Variants in PTPRD observed in about 807,000 individuals in gnomAD.
PTPRD encodes protein tyrosine phosphatase receptor type D.
In PTPRD, 34 loss-of-function variants were observed where a neutral mutation model predicts 214.5. That is an observed-to-expected ratio of 0.16 (90% confidence interval 0.12 to 0.21). The LOEUF is 0.21. Among genes scored for constraint, PTPRD ranks in the 10% least tolerant of loss-of-function variants. The pLI is 1.00. For missense variants in PTPRD, 2,545 were observed against 2,398.7 expected (o/e 1.06, Z -1.27); for synonymous variants, 1,128 against 845.7 (o/e 1.33, Z -5.79).
intron 14 of PTPRD, among the ~76,000 whole-genome samples, chr9:8,623,179 G>A (rs2095874870): frequency 6.6e-6 from 1 of 151,740 alleles, no homozygotes; most frequent in South Asian, 2.1e-4. Context: ...AAATGTTTAT[G>A]GAAAATGTCA....
intron 11 of PTPRD, among the ~76,000 whole-genome samples, chr9:8,944,842 G>C (rs1588575110): frequency 6.6e-6 from 1 of 152,094 alleles, no homozygotes; most frequent in African/African-American, 2.4e-5. Flanking sequence ...TAGCACACCA[G>C]AATGACTACA....
intron 3 of PTPRD, among the ~76,000 whole-genome samples, chr9:10,152,777 A>T (rs574437671): frequency 1.3e-5 from 2 of 152,298 alleles, no homozygotes; most frequent in Admixed American, 1.3e-4. Context: ...GTGAGCCAAG[A>T]TCGCACCATT....
At chr9:8,699,861 C>A (rs889190338) in intron 12 of PTPRD, among the ~76,000 whole-genome samples, 2 of 151,918 alleles carry the variant, frequency 1.3e-5, no homozygotes, top group African/African-American at 4.8e-5. Flanking sequence ...GAAAGCCTAG[C>A]AAGAGTTTCC....
chr9:9,132,571 C>T (rs1325605293), intron 10 of PTPRD, among the ~76,000 whole-genome samples: 2 of 152,004 alleles, frequency 1.3e-5, no homozygotes, highest in Non-Finnish European at 2.9e-5. Flanking sequence ...ATTATGACAC[C>T]TTCTTTGGAG....
At chr9:10,050,421 G>A (rs140055401) in intron 3 of PTPRD, among the ~76,000 whole-genome samples, 7 of 151,356 alleles carry the variant, frequency 4.6e-5, no homozygotes, top group East Asian at 2.0e-4. Flanking sequence ...CTAGCCAGGC[G>A]TGGTGGCGCG....
At position 8,474,774 on chromosome 9, in the gene PTPRD, C is replaced by G. The variant is rs4338165; in HGVS notation, c.3414-3689G>C. ...AAGATTCAGACAAGAATTCCCTCAT[C>G]ATCTGTCTACCAAAGTACAAGTCTA... On this transcript the variant is annotated intron_variant, in intron 30 of 45. Coordinates refer to ENST00000381196, the MANE Select transcript of PTPRD (RefSeq NM_002839.4). 4.5e-3 allele frequency among the ~76,000 whole-genome samples: 678 copies of G among 152,308 alleles called. 2 individuals are homozygous for G. The highest frequency in any genetic ancestry group is 0.014 in the Middle Eastern group (4 of 294).
chr9:10,255,964 A>C (rs1304758652), intron 3 of PTPRD, among the ~76,000 whole-genome samples: 2 of 152,166 alleles, frequency 1.3e-5, no homozygotes, highest in Non-Finnish European at 2.9e-5. Context: ...GAAGGAGGTG[A>C]GCAGCAGGTG....
At chr9:8,340,986 G>C in intron 41 of PTPRD, 104 bp downstream of exon 41, 7 of 1,211,348 alleles carry the variant, frequency 5.8e-6, no homozygotes, top group Non-Finnish European at 6.8e-6. Flanking sequence ...GACCTATGCA[G>C]AAAGAAAATG....
chr9:9,397,524 A>G (rs2068360238), intron 8 of PTPRD, 42 bp from the exon 9 acceptor site: 1 of 152,536 alleles, frequency 6.6e-6, no homozygotes, highest in Non-Finnish European at 1.5e-5. Flanking sequence ...GATCATAAAA[A>G]CTACCAAAAC....
chr9:9,438,888 A>C (rs115333446), intron 8 of PTPRD, among the ~76,000 whole-genome samples: 3,194 of 152,230 alleles, frequency 0.021, 128 homozygotes, highest in African/African-American at 0.074. Flanking sequence ...AAACTTTTCT[A>C]TGTATCAAAT....
rs371760115 is a variant in PTPRD, at chr9:10,031,681, CAT to C, written c.-472+2035_-472+2036del. ...ACACACACACATACACACACACACA[CAT>C]ATCCTATTAGTTCTGTCCCTACTAC... On this transcript the variant is annotated intron_variant, in intron 4 of 45. Coordinates refer to ENST00000381196, the MANE Select transcript of PTPRD (RefSeq NM_002839.4). Among the ~76,000 whole-genome samples, 286 of 133,818 alleles carry C rather than the reference CAT, an allele frequency of 2.1e-3. 4 individuals carry two copies. The highest frequency in any genetic ancestry group is 8.4e-3 in the African/African-American group (270 of 32,118). The allele number at this position is 133,818 out of a possible 152,430, so 87.8% of individuals were successfully genotyped here. A position where few individuals can be genotyped will look rare whatever the true frequency, so the allele number is the denominator to read the frequency against.
chr9:9,154,172 G>C (rs1385617703), intron 10 of PTPRD, among the ~76,000 whole-genome samples: 1 of 152,104 alleles, frequency 6.6e-6, no homozygotes, highest in East Asian at 1.9e-4. Context: ...ACCTGATGTT[G>C]AGCCTGGAAC....
chr9:10,553,480 T>C (rs2061798855), intron 2 of PTPRD, among the ~76,000 whole-genome samples: 1 of 152,180 alleles, frequency 6.6e-6, no homozygotes, highest in African/African-American at 2.4e-5. Context: ...AACTTGTTTG[T>C]TATGTATACC....
At chr9:9,028,177 G>T (rs73430110) in intron 10 of PTPRD, among the ~76,000 whole-genome samples, 11 of 151,816 alleles carry the variant, frequency 7.2e-5, no homozygotes, top group African/African-American at 2.4e-4. Context: ...TTTCCAACAC[G>T]TTCTTTTATC....
At chr9:10,418,498 C>CACACACACACACACAT (rs879881642) in intron 2 of PTPRD, among the ~76,000 whole-genome samples, 2 of 141,506 alleles carry the variant, frequency 1.4e-5, no homozygotes, top group African/African-American at 5.3e-5. Flanking sequence ...CACACACACA[C>CACACACACACACACAT]TTCATATCCT....
chr9:8,684,175 C>T (rs947950080), intron 12 of PTPRD, among the ~76,000 whole-genome samples: 2 of 152,174 alleles, frequency 1.3e-5, no homozygotes, highest in African/African-American at 4.8e-5. Context: ...AAGCTACCAA[C>T]GTTTTGTGTC....
chr9:8,531,977 C>T (rs1251686651), intron 14 of PTPRD, among the ~76,000 whole-genome samples: 3 of 152,030 alleles, frequency 2.0e-5, no homozygotes, highest in Non-Finnish European at 2.9e-5. Context: ...AAAGAACACT[C>T]CAGAGCCCCC....
chr9:9,391,727 A>T (rs1586906566), intron 9 of PTPRD, among the ~76,000 whole-genome samples: 1 of 152,176 alleles, frequency 6.6e-6, no homozygotes, highest in Admixed American at 6.5e-5. Context: ...AAGTAGTAAA[A>T]CCAAACTCCC....
chr9:9,484,246 A>G (rs1457683679), intron 8 of PTPRD, among the ~76,000 whole-genome samples: 1 of 152,108 alleles, frequency 6.6e-6, no homozygotes, highest in Non-Finnish European at 1.5e-5. Context: ...CTGGTCATGT[A>G]AGTCAGTCTG....
Sources: allele counts gnomAD v4.1 joint callset (sites outside exome capture counted in the v4.1 genomes callset), GRCh38; gene constraint gnomAD v4.1.1; transcripts MANE v1.5; gene names NCBI Gene and HGNC (gene_info 2026-07-23, HGNC 2026-07-21).